The following ALK variants were observed in gnomAD, a reference collection of about 807,000 sequenced individuals.
ALK encodes ALK receptor tyrosine kinase, also known as ALK tyrosine kinase receptor.
In ALK, 74 loss-of-function variants were observed where a neutral mutation model predicts 163.1. That is an observed-to-expected ratio of 0.45 (90% CI 0.38 to 0.55). ALK has a LOEUF of 0.55. ALK is among the 20% of genes least tolerant of loss of function. The pLI is 0.00. For missense variants in ALK, 2,063 were observed against 2,105.3 expected (o/e 0.98, Z 0.39); for synonymous variants, 960 against 843.2 (o/e 1.14, Z -2.40).
At chr2:29,807,061 T>C (rs932594478) in intron 1 of ALK, among the ~76,000 whole-genome samples, 4 of 152,238 alleles carry the variant, frequency 2.6e-5, no homozygotes, top group African/African-American at 9.6e-5. Flanking sequence ...TTAGCAAGGA[T>C]TACAATCTGT....
intron 3 of ALK, among the ~76,000 whole-genome samples, chr2:29,578,330 C>A (rs1221059657): frequency 6.6e-6 from 1 of 152,162 alleles, no homozygotes. Context: ...TTGTAAATTG[C>A]CCAGTCTCAG....
At chr2:29,664,148 T>A (rs1234224654) in intron 3 of ALK, among the ~76,000 whole-genome samples, 2 of 152,148 alleles carry the variant, frequency 1.3e-5, no homozygotes, top group East Asian at 3.9e-4. Context: ...CCAGGAGAGA[T>A]GATCTTAGCC....
At chr2:29,557,857 C>T (rs1345917949) in intron 3 of ALK, among the ~76,000 whole-genome samples, 1 of 152,088 alleles carries the variant, frequency 6.6e-6, no homozygotes, top group African/African-American at 2.4e-5. Flanking sequence ...TCTAGTCTCC[C>T]GTCCTCTCCC....
intron 3 of ALK, among the ~76,000 whole-genome samples, chr2:29,689,153 A>G (rs1678322096): frequency 6.6e-6 from 1 of 152,138 alleles, no homozygotes. Context: ...GTCCCCATCA[A>G]TCAGCAAATG....
At chr2:29,203,885 G>A (rs1326569194) in intron 26 of ALK, among the ~76,000 whole-genome samples, 2 of 152,016 alleles carry the variant, frequency 1.3e-5, no homozygotes. Context: ...TTGCTCTGCT[G>A]TCTTTATTCT....
intron 26 of ALK, among the ~76,000 whole-genome samples, chr2:29,206,057 C>T (rs1374906516): frequency 2.6e-5 from 4 of 152,160 alleles, no homozygotes; most frequent in Non-Finnish European, 4.4e-5. Flanking sequence ...GAGCCCAAGT[C>T]TTGTGCTGAT....
intron 1 of ALK, among the ~76,000 whole-genome samples, chr2:29,796,272 G>T (rs7586206): frequency 0.019 from 2,825 of 152,230 alleles, 85 homozygotes; most frequent in African/African-American, 0.063. Flanking sequence ...CTGTAGCCTG[G>T]TGAGTGACGA....
rs775603025 is a variant in ALK, at chr2:29,616,214, G to A, written c.952+78636C>T. ...CTGCTTGGAACCCCCAGGAGCTTTC[G>A]GGAAAGAGGTGGCCTGTGAGTTGGG... On this transcript the variant is annotated intron_variant, in intron 3 of 28. Transcript: ENST00000389048. Among the ~76,000 whole-genome samples, 12 of 152,294 alleles carry A rather than the reference G, an allele frequency of 7.9e-5. No individual in the cohort carries two copies. In the East Asian group the frequency reaches 2.1e-3, roughly 27 times the overall value.
chr2:29,831,901 C>T (rs1218904754), intron 1 of ALK, among the ~76,000 whole-genome samples: 1 of 152,200 alleles, frequency 6.6e-6, no homozygotes, highest in Non-Finnish European at 1.5e-5. Flanking sequence ...GAACCATTTT[C>T]ACTGCATGCT....
rs77257431 is a variant in ALK at position 29,322,006 on chromosome 2, C to G, written c.1415-1124G>C. On this transcript the variant is annotated intron_variant, in intron 6 of 28. Coordinates refer to ENST00000389048, the MANE Select transcript of ALK (RefSeq NM_004304.5). ...GAGAGCTCACTTTCTCCAGCTCACT[C>G]TGAGCATGGCTCCAGGAAAGGCACT... Among the ~76,000 whole-genome samples the G allele has an allele frequency of 5.0e-3, 755 of 152,356 alleles. 1 individual carries two copies. The highest frequency in any genetic ancestry group is 0.018 in the African/African-American group (729 of 41,590).
chr2:29,302,967 A>G (rs946392966), intron 8 of ALK, among the ~76,000 whole-genome samples: 1 of 152,250 alleles, frequency 6.6e-6, no homozygotes, highest in Non-Finnish European at 1.5e-5. Context: ...GCCTAGGCAA[A>G]GAATTTATGA....
At chr2:29,515,215 C>T (rs1233821525) in intron 4 of ALK, among the ~76,000 whole-genome samples, 1 of 152,208 alleles carries the variant, frequency 6.6e-6, no homozygotes, top group Non-Finnish European at 1.5e-5. Flanking sequence ...GAAGGCTCCC[C>T]TGAGCCCCTG....
At chr2:29,864,600 A>G (rs1364991182) in intron 1 of ALK, among the ~76,000 whole-genome samples, 2 of 152,256 alleles carry the variant, frequency 1.3e-5, no homozygotes, top group Non-Finnish European at 2.9e-5. Flanking sequence ...GTCAACAAAC[A>G]TTTGTCAAAT....
chr2:29,830,074 G>C (rs1665323048), intron 1 of ALK, among the ~76,000 whole-genome samples: 1 of 152,214 alleles, frequency 6.6e-6, no homozygotes, highest in East Asian at 1.9e-4. Flanking sequence ...GTTTAACGTT[G>C]ACTTGGCTCT....
At chr2:29,664,484 C>G (rs1168177560) in intron 3 of ALK, among the ~76,000 whole-genome samples, 1 of 152,074 alleles carries the variant, frequency 6.6e-6, no homozygotes, top group Non-Finnish European at 1.5e-5. Context: ...TAGCCCCTTA[C>G]CTGGTCTTCT....
intron 1 of ALK, among the ~76,000 whole-genome samples, chr2:29,829,321 A>G (rs567379400): frequency 6.6e-6 from 1 of 151,728 alleles, no homozygotes; most frequent in Non-Finnish European, 1.5e-5. Flanking sequence ...ATAAAAAAAA[A>G]AAAGAAAGAA....
intron 23 of ALK, 30 bp from the exon 24 acceptor site, chr2:29,214,111 GA>G (rs1669538007): frequency 6.3e-7 from 1 of 1,579,110 alleles, no homozygotes; most frequent in Non-Finnish European, 8.7e-7. Flanking sequence ...GGCCACTGAC[GA>G]GGAGCTTGTC....
chr2:29,740,047 T>C (rs930031958), intron 1 of ALK, among the ~76,000 whole-genome samples: 1 of 152,136 alleles, frequency 6.6e-6, no homozygotes, highest in South Asian at 2.1e-4. Context: ...CAAACATTGA[T>C]TGAATGCCTA....
At chr2:29,608,417 G>T (rs1392422038) in intron 3 of ALK, among the ~76,000 whole-genome samples, 1 of 152,226 alleles carries the variant, frequency 6.6e-6, no homozygotes, top group Non-Finnish European at 1.5e-5. Flanking sequence ...TGAGTTGTCT[G>T]ACATAGGGTT....
Sources: allele counts gnomAD v4.1 joint callset (sites outside exome capture counted in the v4.1 genomes callset), GRCh38; gene constraint gnomAD v4.1.1; transcripts MANE v1.5; gene names NCBI Gene and HGNC (gene_info 2026-07-23, HGNC 2026-07-21).